The following EPB41L3 variants were observed in gnomAD, a reference collection of about 807,000 sequenced individuals.
EPB41L3 encodes erythrocyte membrane protein band 4.1 like 3.
Under a neutral mutation model 127.1 loss-of-function variants are expected in EPB41L3, and 57 were observed. That is an observed-to-expected ratio of 0.45 (90% CI 0.36 to 0.56). EPB41L3 has a LOEUF of 0.56. Ranked by LOEUF, EPB41L3 falls within the 20% of genes least tolerant of loss-of-function variation. The pLI is 0.00. For synonymous variants in EPB41L3, 572 were observed against 549.5 expected (o/e 1.04, Z -0.57); for missense variants, 1,273 against 1,372.2 (o/e 0.93, Z 1.14).
chr18:5,609,191 G>T (rs1252169423), intron 3 of EPB41L3, among the ~76,000 whole-genome samples: 2 of 152,076 alleles, frequency 1.3e-5, no homozygotes, highest in Non-Finnish European at 2.9e-5. Context: ...TGATAATCAA[G>T]ACAATAATTT....
At chr18:5,610,544 C>T (rs1245431383) in intron 3 of EPB41L3, among the ~76,000 whole-genome samples, 6 of 152,000 alleles carry the variant, frequency 3.9e-5, no homozygotes, top group Non-Finnish European at 8.8e-5. Flanking sequence ...CATACAGGAT[C>T]ATAAAAATAA....
At chr18:5,597,460 C>G (rs1474443508) in intron 3 of EPB41L3, among the ~76,000 whole-genome samples, 1 of 152,088 alleles carries the variant, frequency 6.6e-6, no homozygotes, top group Non-Finnish European at 1.5e-5. Context: ...ATTTGTAAAA[C>G]CTTCTCAGAA....
intron 1 of EPB41L3, among the ~76,000 whole-genome samples, chr18:5,524,618 G>C (rs1242020154): frequency 3.5e-5 from 3 of 84,602 alleles, no homozygotes; most frequent in Non-Finnish European, 7.1e-5. Flanking sequence ...GAGATCTCAA[G>C]GGATTCCACT....
At chr18:5,398,698 C>T (rs1254791496) in intron 16 of EPB41L3, 21 of 399,372 alleles carry the variant, frequency 5.3e-5, no homozygotes, top group South Asian at 1.3e-4. Context: ...GCAGTAGCAA[C>T]GGTAAAGGCT....
rs560595014 is a variant in EPB41L3, at chr18:5,557,300, G to A, written c.-306+55040C>T. On this transcript the variant is annotated intron_variant, in intron 3 of 21. Coordinates refer to the EPB41L3 transcript ENST00000545076. ...TATAAAAATAGATATCGACATGTGG[G>A]CTTTTCCTAACATGTTTTTTTCCTG... Among the ~76,000 whole-genome samples the A allele has an allele frequency of 2.6e-5, 4 of 152,316 alleles. No individual in the cohort carries two copies. In the East Asian group the frequency reaches 7.7e-4, roughly 29 times the overall value.
intron 1 of EPB41L3, among the ~76,000 whole-genome samples, chr18:5,615,643 T>G (rs144450663): frequency 6.6e-6 from 1 of 152,344 alleles, no homozygotes; most frequent in Non-Finnish European, 1.5e-5. Context: ...TTTCCAGCCC[T>G]CAGGGCAGAA....
chr18:5,406,161 G>T (rs2075351904), intron 16 of EPB41L3, among the ~76,000 whole-genome samples: 1 of 152,128 alleles, frequency 6.6e-6, no homozygotes, highest in South Asian at 2.1e-4. Flanking sequence ...CAAGGCAGGA[G>T]AATCACTTGA....
At chr18:5,595,627 G>GCTCA (rs2094529176) in intron 3 of EPB41L3, among the ~76,000 whole-genome samples, 1 of 152,126 alleles carries the variant, frequency 6.6e-6, no homozygotes, top group Admixed American at 6.5e-5. Flanking sequence ...TCAGAGAGTA[G>GCTCA]GATGCATCCC....
intron 1 of EPB41L3, among the ~76,000 whole-genome samples, chr18:5,509,536 TCAAAAGGTAAG>T (rs2092410313): frequency 6.6e-6 from 1 of 152,128 alleles, no homozygotes; most frequent in African/African-American, 2.4e-5. Flanking sequence ...TCGAAGGAGA[TCAAAAGGTAAG>T]TCAGCTAGCC....
intron 5 of EPB41L3, among the ~76,000 whole-genome samples, chr18:5,441,519 G>A (rs1195455865): frequency 2.7e-5 from 4 of 150,002 alleles, no homozygotes; most frequent in African/African-American, 7.5e-5. Context: ...AGGCTGGAGC[G>A]CAGTGGCGCG....
intron 3 of EPB41L3, among the ~76,000 whole-genome samples, chr18:5,554,616 C>G (rs1051805197): frequency 1.3e-5 from 2 of 152,156 alleles, no homozygotes; most frequent in Non-Finnish European, 2.9e-5. Context: ...CTGAGCCAAC[C>G]CTGGTGACAC....
chr18:5,509,579 C>T (rs908466612), intron 1 of EPB41L3, among the ~76,000 whole-genome samples: 1 of 152,164 alleles, frequency 6.6e-6, no homozygotes, highest in Non-Finnish European at 1.5e-5. Context: ...CTGCTCAAAC[C>T]AAAGGCACTG....
chr18:5,550,916 A>C (rs9950603), intron 3 of EPB41L3, among the ~76,000 whole-genome samples: 8,998 of 152,138 alleles, frequency 0.059, 715 homozygotes, highest in African/African-American at 0.18. Flanking sequence ...TTTTCTCCAT[A>C]AATCTCATGA....
intron 1 of EPB41L3, among the ~76,000 whole-genome samples, chr18:5,626,458 G>A (rs937970901): frequency 2.6e-5 from 4 of 152,120 alleles, no homozygotes. Flanking sequence ...TAAATAGCGG[G>A]TTTCAATACC....
chr18:5,479,247 T>C (rs1027502242), intron 2 of EPB41L3, among the ~76,000 whole-genome samples: 3 of 152,214 alleles, frequency 2.0e-5, no homozygotes, highest in African/African-American at 7.2e-5. Context: ...TGGCCACCAA[T>C]GGTAGTACTG....
rs149996953 is a variant in EPB41L3, at chr18:5,471,189, G to A, written c.381+7052C>T. 5.9e-5 allele frequency among the ~76,000 whole-genome samples: 9 copies of A among 152,256 alleles called. No individual in the cohort carries two copies. The East Asian group carries it at 1.7e-3, about 29-fold the overall frequency. On this transcript the variant is annotated intron_variant, in intron 3 of 22. Transcript: ENST00000341928. ...GTTATACTGTCTGTCCTTAAAGGCT[G>A]TACTCAAGTATGCTATGGGGAATTA...
chr18:5,466,294 T>C (rs2084968619), intron 3 of EPB41L3: 1 of 152,196 alleles, frequency 6.6e-6, no homozygotes, highest in Non-Finnish European at 1.5e-5. Context: ...GTCAAAAAAG[T>C]GTTACCTCTC....
At chr18:5,466,053 T>C (rs1222968438) in intron 3 of EPB41L3, among the ~76,000 whole-genome samples, 2 of 152,168 alleles carry the variant, frequency 1.3e-5, no homozygotes, top group Non-Finnish European at 2.9e-5. Context: ...TATATTTCAT[T>C]ATCATTTTTT....
chr18:5,527,640 G>A (rs2093274174), intron 1 of EPB41L3, among the ~76,000 whole-genome samples: 1 of 152,202 alleles, frequency 6.6e-6, no homozygotes, highest in African/African-American at 2.4e-5. Context: ...AAGTAATCAG[G>A]GAAGAGGAGC....
Sources: allele counts gnomAD v4.1 joint callset (sites outside exome capture counted in the v4.1 genomes callset), GRCh38; gene constraint gnomAD v4.1.1; transcripts MANE v1.5; gene names NCBI Gene and HGNC (gene_info 2026-07-23, HGNC 2026-07-21).